ST3GAL4: variants seen among roughly 807,000 people sequenced by gnomAD.
The protein encoded by ST3GAL4 is ST3 beta-galactoside alpha-2,3-sialyltransferase 4.
In ST3GAL4, 24 loss-of-function variants were observed where a neutral mutation model predicts 42.6. The ratio of observed to expected loss-of-function variants is 0.56; its 90% CI spans 0.41 to 0.79. The LOEUF is 0.79. Among genes scored for constraint, ST3GAL4 ranks in the 30% least tolerant of loss-of-function variants. The pLI is 0.00. For missense variants in ST3GAL4, 311 were observed against 430.8 expected (o/e 0.72, Z 2.46); for synonymous variants, 135 against 163.2 (o/e 0.83, Z 1.32).
intron 1 of ST3GAL4, among the ~76,000 whole-genome samples, chr11:126,361,162 T>C (rs1308642662): frequency 1.3e-5 from 2 of 152,128 alleles, no homozygotes; most frequent in Non-Finnish European, 2.9e-5. Flanking sequence ...CCTATGTCAG[T>C]CCTCTCCTTA....
chr11:126,390,815 C>A (rs924214010), intron 1 of ST3GAL4, among the ~76,000 whole-genome samples: 1 of 151,044 alleles, frequency 6.6e-6, no homozygotes, highest in African/African-American at 2.4e-5. Context: ...CAAACTGAAA[C>A]ATCCCACCCA....
At position 126,391,199 on chromosome 11, in the gene ST3GAL4, T is replaced by G. The variant is rs1327606407; in HGVS notation, c.-60-14897T>G. ...ATCCTGGTCTCAAATATTTTGGGGA[T>G]ATACCCAGAAGTGCAGTTGCTTGAT... On this transcript the variant is annotated intron_variant, in intron 1 of 10. Coordinates refer to ENST00000444328, the MANE Select transcript of ST3GAL4 (RefSeq NM_001254757.2). The surrounding 1 kb of genome is among the most constrained non-coding windows in gnomAD (Gnocchi z 5.5). Among the ~76,000 whole-genome samples the G allele has an allele frequency of 6.6e-6, 1 of 152,138 alleles. No homozygotes were observed. The highest frequency in any genetic ancestry group is 1.5e-5 in the Non-Finnish European group (1 of 68,020).
chr11:126,404,462 TTA>T (rs1214154707), intron 1 of ST3GAL4, among the ~76,000 whole-genome samples: 1 of 152,306 alleles, frequency 6.6e-6, no homozygotes, highest in South Asian at 2.1e-4. Context: ...CTCACAGAGC[TTA>T]TATCCCAACT....
At position 126,384,049 on chromosome 11, in the gene ST3GAL4, C is replaced by G. The variant is rs1953120517; in HGVS notation, c.-60-22047C>G. On this transcript the variant is annotated intron_variant, in intron 1 of 10. Coordinates refer to ENST00000444328, the MANE Select transcript of ST3GAL4 (RefSeq NM_001254757.2). The surrounding 1 kb of genome is among the most constrained non-coding windows in gnomAD (Gnocchi z 5.5). ...TCCCTTCCCAATGCAGGGCCCTCTC[C>G]TCTGGCGAGCCTGCCTTGATACTCC... Among the ~76,000 whole-genome samples the G allele has an allele frequency of 6.6e-6, 1 of 152,206 alleles. No homozygotes were observed. Among genetic ancestry groups the G allele is most frequent in the Non-Finnish European group, 1.5e-5 (1 of 68,042 alleles).
intron 9 of ST3GAL4, chr11:126,413,278 G>A: frequency 2.1e-6 from 1 of 466,004 alleles, no homozygotes; most frequent in Middle Eastern, 5.8e-4. Flanking sequence ...CAGCACATGT[G>A]GCGATTTAAA....
chr11:126,372,079 T>G (rs1038629295), intron 1 of ST3GAL4, among the ~76,000 whole-genome samples: 4 of 152,250 alleles, frequency 2.6e-5, no homozygotes, highest in African/African-American at 9.6e-5. Context: ...GTTGACCTGT[T>G]GACCGTCTTA....
At chr11:126,358,020 C>G (rs536941620) in intron 1 of ST3GAL4, among the ~76,000 whole-genome samples, 1 of 152,236 alleles carries the variant, frequency 6.6e-6, no homozygotes, top group African/African-American at 2.4e-5. Flanking sequence ...GGAGAGGGAG[C>G]TTGGGCCCCA....
rs1953078379 is a variant in ST3GAL4, at chr11:126,383,317, C to A, written c.-60-22779C>A. Among the ~76,000 whole-genome samples the A allele has an allele frequency of 6.6e-6, 1 of 152,156 alleles. No homozygotes were observed. Among genetic ancestry groups the A allele is most frequent in the Non-Finnish European group, 1.5e-5 (1 of 68,030 alleles). The stretch of plus-strand genomic sequence containing the variant: ...AGGGCTGGCACAGCCACTCCCTGCC[C>A]CTTAGAGGCTCTGGGCTGCCTGGTG... On this transcript the variant is annotated intron_variant, in intron 1 of 10. Coordinates refer to ENST00000444328, the MANE Select transcript of ST3GAL4 (RefSeq NM_001254757.2). This position sits in a 1 kb window ranked among gnomAD's most constrained non-coding sequence, Gnocchi z 4.5.
In ST3GAL4 at chr11:126,414,558, GTGGGGGT is replaced by G; in HGVS notation, c.*513_*519del. ...CAGCAGGCATGGGAAGAGCACTGGT[GTGGGGGT>G]TCCACCGAGAAGGGGACCTCATCTA... On this transcript the variant is annotated 3_prime_UTR_variant, in exon 11 of 11. Transcript: ENST00000444328. 6.4e-6 allele frequency: 1 copy of G among 155,444 alleles called. No individual in the cohort carries two copies. Among genetic ancestry groups the G allele is most frequent in the Non-Finnish European group, 1.4e-5 (1 of 69,828 alleles). 9.6% of individuals were successfully genotyped at this position (155,444 alleles called of 1,614,324 possible).
In ST3GAL4 at chr11:126,407,357, C is replaced by A; in HGVS notation, c.280+8C>A. 1 of 1,613,598 alleles carries A rather than the reference C, an allele frequency of 6.2e-7. No individual in the cohort carries two copies. Among genetic ancestry groups the A allele is most frequent in the Non-Finnish European group, 8.5e-7 (1 of 1,179,526 alleles). ...ATGGGACCAAGGGGAGTGGTAAGTT[C>A]CTACCCGGCTCGTGGGAACCATGGG... On this transcript the variant is annotated splice_region_variant and intron_variant, in intron 5 of 10. Transcript: ENST00000444328.
At chr11:126,377,479 CTT>C (rs59029262) in intron 1 of ST3GAL4, among the ~76,000 whole-genome samples, 44 of 117,602 alleles carry the variant, frequency 3.7e-4, no homozygotes, top group African/African-American at 9.4e-4. Flanking sequence ...CCAACACCTT[CTT>C]TTTTTTTTTT....
At chr11:126,413,022 C>T (rs571444114) in intron 9 of ST3GAL4, among the ~76,000 whole-genome samples, 10 of 152,342 alleles carry the variant, frequency 6.6e-5, no homozygotes, top group African/African-American at 2.2e-4. Context: ...GGCCCCAGGC[C>T]TCCCCCAGAT....
chr11:126,368,909 G>T (rs1434727347), intron 1 of ST3GAL4, among the ~76,000 whole-genome samples: 1 of 152,066 alleles, frequency 6.6e-6, no homozygotes, highest in Non-Finnish European at 1.5e-5. Context: ...ATTAGGAACG[G>T]TAACACACAC....
Position 126,406,142 on chromosome 11 carries a change from G to A in ST3GAL4, c.-14G>A. The A allele has an allele frequency of 1.9e-6, 3 of 1,553,816 alleles. No individual in the cohort carries two copies. The highest frequency in any genetic ancestry group is 2.6e-6 in the Non-Finnish European group (3 of 1,148,180). On this transcript the variant is annotated 5_prime_UTR_variant, in exon 2 of 11. Transcript: ENST00000444328. This position sits in a 1 kb window ranked among gnomAD's most constrained non-coding sequence, Gnocchi z 5.4. ...GACAGCTCTCCCCAGGAATCCTGCT[G>A]CCTGCTGAGAAACATGGTCAGCAAG...
Position 126,383,733 on chromosome 11 carries a change from C to T in ST3GAL4, c.-60-22363C>T, listed in dbSNP as rs1953103269. ...TGCTGGAAGGGGCTGTCTATGCCTT[C>T]AGGCTCTGAGTGTGGATGCAGCTGG... On this transcript the variant is annotated intron_variant, in intron 1 of 10. Transcript: ENST00000444328. This position sits in a 1 kb window ranked among gnomAD's most constrained non-coding sequence, Gnocchi z 4.5. Among the ~76,000 whole-genome samples the T allele has an allele frequency of 6.6e-6, 1 of 152,166 alleles. No individual in the cohort carries two copies. Among genetic ancestry groups the T allele is most frequent in the Non-Finnish European group, 1.5e-5 (1 of 68,026 alleles).
At position 126,406,349 on chromosome 11, in the gene ST3GAL4, G is replaced by A; in HGVS notation, c.17-124G>A. On this transcript the variant is annotated intron_variant, in intron 2 of 10. Coordinates refer to ENST00000444328, the MANE Select transcript of ST3GAL4 (RefSeq NM_001254757.2). This position sits in a 1 kb window ranked among gnomAD's most constrained non-coding sequence, Gnocchi z 5.4. ...CAAGCCCTCAGCCAGGGCCAGGAGA[G>A]GGCCAGAGACTGCTTCTGTTGAGTT... 1.3e-6 allele frequency: 2 copies of A among 1,556,440 alleles called. No individual in the cohort carries two copies. Among genetic ancestry groups the A allele is most frequent in the Non-Finnish European group, 1.7e-6 (2 of 1,150,732 alleles).
chr11:126,414,422 T>C lies in ST3GAL4; in HGVS notation c.*375T>C, dbSNP rs1423280824. The C allele has an allele frequency of 2.6e-5, 6 of 234,476 alleles. No individual in the cohort carries two copies. The highest frequency in any genetic ancestry group is 5.1e-5 in the Non-Finnish European group (6 of 117,168). 14.5% of individuals were successfully genotyped at this position (234,476 alleles called of 1,614,324 possible). On this transcript the variant is annotated 3_prime_UTR_variant, in exon 11 of 11. Transcript: ENST00000444328. ...AGTAGAGAATTCTGCCCACTTTTTA[T>C]AAAAACTTACAGCGATGGCCCCACC... is the stretch of plus-strand genomic sequence containing the variant.
chr11:126,401,825 G>A (rs1025486405), intron 1 of ST3GAL4, among the ~76,000 whole-genome samples: 14 of 152,144 alleles, frequency 9.2e-5, no homozygotes, highest in Middle Eastern at 3.4e-3. Flanking sequence ...CATAGGGGTC[G>A]GGGGACAGAG....
chr11:126,395,050 C>T (rs1953687209), intron 1 of ST3GAL4, among the ~76,000 whole-genome samples: 1 of 152,088 alleles, frequency 6.6e-6, no homozygotes, highest in Non-Finnish European at 1.5e-5. Context: ...CGTGCCCAGG[C>T]GTGCTGTGAT....
Sources: allele counts gnomAD v4.1 joint callset (sites outside exome capture counted in the v4.1 genomes callset), GRCh38; gene constraint gnomAD v4.1.1; non-coding constraint Gnocchi (gnomAD v3.1); transcripts MANE v1.5; gene names NCBI Gene and HGNC (gene_info 2026-07-23, HGNC 2026-07-21).